The following LRBA variants were observed in gnomAD, a reference collection of about 807,000 sequenced individuals.
LRBA encodes the protein LPS responsive beige-like anchor protein.
Under a neutral mutation model 330.0 loss-of-function variants are expected in LRBA, and 176 were observed. The observed-to-expected ratio is 0.53, with a 90% CI of 0.47 to 0.60. The LOEUF (loss-of-function observed/expected upper bound fraction) is 0.60. Among genes scored for constraint, LRBA ranks in the 20% least tolerant of loss-of-function variants. The pLI is 0.00. For missense variants in LRBA, 3,259 were observed against 3,444.8 expected (o/e 0.95, Z 1.35); for synonymous variants, 1,230 against 1,193.0 (o/e 1.03, Z -0.64).
chr4:150,661,485 A>AG (rs1260125996), intron 37 of LRBA, among the ~76,000 whole-genome samples: 25 of 151,616 alleles, frequency 1.6e-4, no homozygotes, highest in African/African-American at 5.1e-4. Context: ...AAAAAAAAAA[A>AG]AAGAAGAAAG....
intron 56 of LRBA, among the ~76,000 whole-genome samples, chr4:150,273,733 G>A (rs1176013176): frequency 6.6e-6 from 1 of 151,964 alleles, no homozygotes; most frequent in Non-Finnish European, 1.5e-5. Context: ...TGACATAATG[G>A]TAAAGGGATC....
chr4:150,795,194 T>C (rs559650019), intron 34 of LRBA, among the ~76,000 whole-genome samples: 1 of 152,100 alleles, frequency 6.6e-6, no homozygotes, highest in Non-Finnish European at 1.5e-5. Flanking sequence ...AAAAATGATA[T>C]TAATGTCAAA....
intron 37 of LRBA, among the ~76,000 whole-genome samples, chr4:150,611,929 G>C (rs762840223): frequency 1.3e-5 from 2 of 151,884 alleles, no homozygotes; most frequent in East Asian, 3.9e-4. Context: ...CTAAGACAAG[G>C]CCTCACTCTG....
intron 40 of LRBA, among the ~76,000 whole-genome samples, chr4:150,535,906 T>C (rs2152212159): frequency 6.6e-6 from 1 of 152,300 alleles, no homozygotes; most frequent in African/African-American, 2.4e-5. Context: ...GGTCAGCAGA[T>C]ATTACGTGTC....
chr4:150,587,885 C>T (rs184369605), intron 40 of LRBA, among the ~76,000 whole-genome samples, 163 bp downstream of exon 40: 17 of 152,182 alleles, frequency 1.1e-4, no homozygotes, highest in Admixed American at 2.0e-4. Flanking sequence ...ATCTAACTAA[C>T]TGGTAGGGAA....
intron 40 of LRBA, among the ~76,000 whole-genome samples, chr4:150,564,738 T>C (rs1012953378): frequency 4.6e-5 from 7 of 152,296 alleles, no homozygotes; most frequent in African/African-American, 1.4e-4. Flanking sequence ...GAACAGACAC[T>C]TCTCAAAAGA....
At chr4:150,352,727 AT>A (rs1737345709) in intron 47 of LRBA, among the ~76,000 whole-genome samples, 1 of 152,198 alleles carries the variant, frequency 6.6e-6, no homozygotes, top group South Asian at 2.1e-4. Context: ...CGTTGGTTTC[AT>A]TAACTTAGAC....
intron 2 of LRBA, among the ~76,000 whole-genome samples, chr4:150,939,976 A>T (rs541049218): frequency 7.9e-5 from 12 of 152,332 alleles, no homozygotes; most frequent in African/African-American, 2.9e-4. Flanking sequence ...CCATAAAAAT[A>T]AAAACTTCAA....
intron 17 of LRBA, among the ~76,000 whole-genome samples, chr4:150,883,564 G>A (rs570005999): frequency 1.1e-4 from 17 of 152,092 alleles, no homozygotes; most frequent in Non-Finnish European, 2.2e-4. Flanking sequence ...GTCTCTCCCC[G>A]ACCTTCCACC....
chr4:151,006,455 A>T (rs1043753106), intron 2 of LRBA, among the ~76,000 whole-genome samples: 2 of 152,168 alleles, frequency 1.3e-5, no homozygotes, highest in Admixed American at 1.3e-4. Context: ...CACTTCAAAA[A>T]GTTCTGGAGA....
Position 150,668,066 on chromosome 4 carries a change from C to T in LRBA, c.5921+15485G>A, listed in dbSNP as rs150563704. ...TTCTTTCTTCCCTATCATAAATGTT[C>T]TATGCATTTGGCCTACAGTAAAAGT... On this transcript the variant is annotated intron_variant, in intron 37 of 56. Transcript: ENST00000651943. Among the ~76,000 whole-genome samples the T allele has an allele frequency of 1.4e-3, 219 of 152,268 alleles. 3 individuals carry two copies. The East Asian group carries it at 0.023, about 16-fold the overall frequency.
chr4:150,668,768 A>G (rs1365062934), intron 37 of LRBA, among the ~76,000 whole-genome samples: 1 of 152,248 alleles, frequency 6.6e-6, no homozygotes, highest in Non-Finnish European at 1.5e-5. Context: ...TAACATGGGA[A>G]GTAGAAGTTG....
chr4:150,836,939 T>C (rs1451215425), intron 28 of LRBA, among the ~76,000 whole-genome samples: 1 of 152,232 alleles, frequency 6.6e-6, no homozygotes, highest in Non-Finnish European at 1.5e-5. Flanking sequence ...TTTAGTGCTA[T>C]AAATTTCCCT....
At chr4:150,672,011 T>C (rs1028172977) in intron 37 of LRBA, among the ~76,000 whole-genome samples, 7 of 152,216 alleles carry the variant, frequency 4.6e-5, no homozygotes, top group Non-Finnish European at 1.0e-4. Context: ...AATCTGAATG[T>C]ATAATATAAA....
chr4:150,919,976 G>T (rs1260557209), intron 5 of LRBA, among the ~76,000 whole-genome samples: 2 of 148,880 alleles, frequency 1.3e-5, no homozygotes, highest in African/African-American at 2.5e-5. Context: ...GATAGGCTAT[G>T]ATAAGAAAGT....
intron 22 of LRBA, among the ~76,000 whole-genome samples, chr4:150,863,554 C>T (rs942254302): frequency 2.0e-5 from 3 of 152,022 alleles, no homozygotes; most frequent in African/African-American, 7.2e-5. Context: ...CCCAGATACT[C>T]GGGAGGCTGA....
intron 35 of LRBA, among the ~76,000 whole-genome samples, chr4:150,749,390 A>G (rs1733220329): frequency 6.6e-6 from 1 of 152,034 alleles, no homozygotes; most frequent in African/African-American, 2.4e-5. Context: ...GGCAACATAG[A>G]GAGACTCCAC....
chr4:150,389,081 G>A (rs1184693438), intron 47 of LRBA, among the ~76,000 whole-genome samples: 1 of 152,038 alleles, frequency 6.6e-6, no homozygotes, highest in African/African-American at 2.4e-5. Flanking sequence ...ACATCAAGAA[G>A]AATGAGTATC....
chr4:150,285,327 T>A (rs1748013660), intron 54 of LRBA, among the ~76,000 whole-genome samples: 1 of 152,222 alleles, frequency 6.6e-6, no homozygotes, highest in South Asian at 2.1e-4. Context: ...CCATTCCTAG[T>A]CAGATCCTGA....
Sources: gnomAD v4.1 joint callset for allele counts (sites outside exome capture counted in the v4.1 genomes callset) on GRCh38, gnomAD v4.1.1 for gene constraint, MANE v1.5 for transcripts, NCBI Gene and HGNC (gene_info 2026-07-23, HGNC 2026-07-21) for gene names.